CYREN: variants seen among roughly 807,000 people sequenced by gnomAD.
The protein encoded by CYREN is cell cycle regulator of NHEJ.
A neutral mutation model predicts 9.7 loss-of-function variants in CYREN; 7 were observed. That is an observed-to-expected ratio of 0.72 (90% CI 0.41 to 1.36). The LOEUF (loss-of-function observed/expected upper bound fraction) is 1.36. Ranked by LOEUF, CYREN falls within the 40% of genes most tolerant of loss-of-function variation. The pLI, the probability that CYREN is intolerant of heterozygous loss-of-function variation, is 0.01. For missense variants in CYREN, 215 were observed against 198.1 expected (o/e 1.09, Z -0.51); for synonymous variants, 76 against 77.9 (o/e 0.98, Z 0.13).
downstream of CYREN, among the ~76,000 whole-genome samples, chr7:135,163,698 T>C (rs1038110506): frequency 6.6e-6 from 1 of 152,208 alleles, no homozygotes; most frequent in South Asian, 2.1e-4. Flanking sequence ...CATACTACCA[T>C]TGTCAGGAAA....
intron 2 of CYREN, among the ~76,000 whole-genome samples, chr7:135,101,752 G>C (rs1430215914): frequency 1.3e-5 from 2 of 152,146 alleles, no homozygotes; most frequent in Non-Finnish European, 1.5e-5. Flanking sequence ...GGGCAGAAAA[G>C]ATTGGCCCAG....
At chr7:135,102,695 A>T (rs1209460740) in intron 2 of CYREN, among the ~76,000 whole-genome samples, 2 of 151,332 alleles carry the variant, frequency 1.3e-5, no homozygotes, top group Admixed American at 6.6e-5. Context: ...TCATAAAATG[A>T]TCATCTATTT....
intron 2 of CYREN, among the ~76,000 whole-genome samples, chr7:135,138,760 G>A (rs1032709316): frequency 2.6e-5 from 4 of 151,814 alleles, no homozygotes; most frequent in Non-Finnish European, 5.9e-5. Flanking sequence ...TCACCCTCAA[G>A]TAGGCCCTAG....
Position 135,119,687 on chromosome 7 carries a change from C to T in CYREN, n.357-25105G>A, listed in dbSNP as rs185263532. On this transcript the variant is annotated intron_variant and non_coding_transcript_variant, in intron 2 of 2. Coordinates refer to the CYREN transcript ENST00000459937. ...GTTCAGGAGATCAAGACCAACCTGG[C>T]TAACACGGTGAAACCCCGTCTCTAC... Among the ~76,000 whole-genome samples the T allele has an allele frequency of 1.1e-3, 160 of 152,138 alleles. 2 individuals are homozygous for T. Among genetic ancestry groups the T allele is most frequent in the African/African-American group, 3.8e-3 (158 of 41,550 alleles).
chr7:135,122,064 C>G, intron 2 of CYREN, among the ~76,000 whole-genome samples: 1 of 152,206 alleles, frequency 6.6e-6, no homozygotes, highest in Non-Finnish European at 1.5e-5. Context: ...TGCCTGCTGT[C>G]TAAGCCGTTT....
At chr7:135,159,780 G>A (rs1031019062) in intron 2 of CYREN, among the ~76,000 whole-genome samples, 7 of 152,162 alleles carry the variant, frequency 4.6e-5, no homozygotes, top group African/African-American at 1.7e-4. Context: ...AAGAAATACA[G>A]ATGGTCAACA....
chr7:135,147,005 A>G (rs1158815176), intron 2 of CYREN, among the ~76,000 whole-genome samples: 1 of 152,168 alleles, frequency 6.6e-6, no homozygotes, highest in African/African-American at 2.4e-5. Context: ...CTAAAAGTTA[A>G]TTTTCTGTCT....
chr7:135,149,042 C>A (rs1330560850), intron 2 of CYREN, among the ~76,000 whole-genome samples: 5 of 152,132 alleles, frequency 3.3e-5, no homozygotes, highest in African/African-American at 1.2e-4. Flanking sequence ...TACCATACCC[C>A]ATTCCCCAAA....
At chr7:135,149,172 CCT>C (rs1195263307) in intron 2 of CYREN, among the ~76,000 whole-genome samples, 1 of 152,030 alleles carries the variant, frequency 6.6e-6, no homozygotes, top group Non-Finnish European at 1.5e-5. Context: ...GTTTTGAATG[CCT>C]GTTTTATAAA....
At chr7:135,155,330 G>A (rs56886845) in intron 2 of CYREN, among the ~76,000 whole-genome samples, 5,600 of 152,188 alleles carry the variant, frequency 0.037, 330 homozygotes, top group African/African-American at 0.13. Flanking sequence ...TTACATTCAA[G>A]GTTAATATGG....
intron 2 of CYREN, among the ~76,000 whole-genome samples, chr7:135,114,475 T>C (rs1174489009): frequency 6.6e-6 from 1 of 150,614 alleles, no homozygotes; most frequent in East Asian, 2.0e-4. Context: ...TTCCTTTGTA[T>C]CATCTAATAA....
At chr7:135,108,701 G>T (rs1417253869) in intron 2 of CYREN, among the ~76,000 whole-genome samples, 1 of 152,116 alleles carries the variant, frequency 6.6e-6, no homozygotes, top group Non-Finnish European at 1.5e-5. Context: ...ATAGAATCTT[G>T]CAGGGGTTTC....
At chr7:135,117,126 C>T (rs1826435780) in intron 2 of CYREN, among the ~76,000 whole-genome samples, 1 of 152,322 alleles carries the variant, frequency 6.6e-6, no homozygotes, top group Middle Eastern at 3.4e-3. Flanking sequence ...GCATCTGCTT[C>T]ATCTTCATGG....
chr7:135,109,435 T>A (rs911557010), intron 2 of CYREN, among the ~76,000 whole-genome samples: 2 of 147,210 alleles, frequency 1.4e-5, no homozygotes, highest in Admixed American at 6.8e-5. Flanking sequence ...TGGGAGGACA[T>A]GCCTAGTGAA....
At chr7:135,134,396 T>C (rs1202798744) in intron 2 of CYREN, among the ~76,000 whole-genome samples, 3 of 146,570 alleles carry the variant, frequency 2.0e-5, no homozygotes, top group East Asian at 2.0e-4. Flanking sequence ...CGAGGAAAAC[T>C]TCCCTCTCTT....
At position 135,167,749 on chromosome 7, in the gene CYREN, G is replaced by A; in HGVS notation, c.196C>T (p.Leu66=). 6.2e-7 allele frequency: 1 copy of A among 1,614,126 alleles called. No individual in the cohort carries two copies. The highest frequency in any genetic ancestry group is 1.3e-5 in the African/African-American group (1 of 75,026). The part of the protein sequence containing the change: ...MNEAEIVDVA[L]GILIESRKQE... ...GACTTTACCTCAATCAGGATTCCCA[G>A]AGCAACATCAACTATCTCAGCCTCA... Residue 66 remains leucine (L), a synonymous_variant, in exon 3 of 4, where the codon CTG becomes TTG. Transcript: ENST00000393114.
intron 2 of CYREN, among the ~76,000 whole-genome samples, chr7:135,141,876 G>A (rs570336722): frequency 6.6e-5 from 10 of 152,042 alleles, no homozygotes; most frequent in Admixed American, 2.6e-4. Context: ...TCTTGGTGTT[G>A]ATTTCTACTT....
At chr7:135,164,662 G>A, downstream of CYREN, 1 of 1,613,422 alleles carries the variant, frequency 6.2e-7, no homozygotes, top group African/African-American at 1.3e-5. Context: ...GAAGCCCTGG[G>A]GGTGCCTCGG....
intron 2 of CYREN, among the ~76,000 whole-genome samples, chr7:135,140,716 T>C (rs2348284): frequency 0.15 from 22,348 of 152,028 alleles, 1,691 homozygotes; most frequent in Middle Eastern, 0.3. Flanking sequence ...GTGGCTCTTA[T>C]TATTTTGAGG....
Sources: gnomAD v4.1 joint callset for allele counts (sites outside exome capture counted in the v4.1 genomes callset) on GRCh38, gnomAD v4.1.1 for gene constraint, MANE v1.5 for transcripts, NCBI Gene and HGNC (gene_info 2026-07-23, HGNC 2026-07-21) for gene names.